Variants in ADAMTSL1 observed in about 807,000 individuals in gnomAD.
The protein encoded by ADAMTSL1 is ADAMTS like 1.
A neutral mutation model predicts 201.8 loss-of-function variants in ADAMTSL1; 126 were observed. That is an observed-to-expected ratio of 0.62 (90% CI 0.54 to 0.72). The LOEUF is 0.72. Ranked by LOEUF, ADAMTSL1 falls within the 30% of genes least tolerant of loss-of-function variation. ADAMTSL1 has a pLI of 0.00. For missense variants in ADAMTSL1, 2,679 were observed against 2,277.8 expected, an observed-to-expected ratio of 1.18 and a Z score of -3.59; for synonymous variants, 1,121 against 903.4, an observed-to-expected ratio of 1.24 and a Z score of -4.32.
chr9:18,181,008 C>A (rs1397679060), intron 2 of ADAMTSL1, among the ~76,000 whole-genome samples: 1 of 152,116 alleles, frequency 6.6e-6, no homozygotes, highest in South Asian at 2.1e-4. Context: ...TGATCTTTGA[C>A]AAACCTGACA....
chr9:17,935,743 T>C (rs1047774711), intron 1 of ADAMTSL1, among the ~76,000 whole-genome samples: 2 of 152,184 alleles, frequency 1.3e-5, no homozygotes, highest in Non-Finnish European at 2.9e-5. Flanking sequence ...AGATGGACCA[T>C]CTTGATTCAA....
At chr9:18,449,196 G>A (rs900420430) in intron 2 of ADAMTSL1, among the ~76,000 whole-genome samples, 14 of 151,738 alleles carry the variant, frequency 9.2e-5, no homozygotes, top group African/African-American at 3.1e-4. Context: ...AACTTTTTCT[G>A]AGTTGTATGT....
chr9:18,903,306 T>A (rs1033975320), intron 26 of ADAMTSL1, among the ~76,000 whole-genome samples: 1 of 152,150 alleles, frequency 6.6e-6, no homozygotes. Flanking sequence ...TCAATGAAAA[T>A]GAACTTCAGT....
intron 2 of ADAMTSL1, among the ~76,000 whole-genome samples, chr9:18,247,445 G>A (rs1411498757): frequency 3.3e-5 from 5 of 152,176 alleles, no homozygotes; most frequent in African/African-American, 4.8e-5. Context: ...TGTTCCAGGT[G>A]TAAAGTTCTC....
At chr9:17,938,320 A>ACATGAATTT (rs1334186420) in intron 1 of ADAMTSL1, among the ~76,000 whole-genome samples, 1 of 152,172 alleles carries the variant, frequency 6.6e-6, no homozygotes, top group Non-Finnish European at 1.5e-5. Flanking sequence ...GTATTGAGTA[A>ACATGAATTT]CATGAATTTC....
intron 23 of ADAMTSL1, among the ~76,000 whole-genome samples, chr9:18,842,134 T>C (rs1271038798): frequency 1.3e-5 from 2 of 152,008 alleles, no homozygotes; most frequent in Non-Finnish European, 2.9e-5. Context: ...GATGTTAGGG[T>C]GTCAATTTTG....
intron 21 of ADAMTSL1, among the ~76,000 whole-genome samples, chr9:18,822,819 C>T (rs140268432): frequency 3.5e-4 from 54 of 152,298 alleles, no homozygotes; most frequent in African/African-American, 1.1e-3. Context: ...ACTCAGGATA[C>T]GTTTGCATGT....
At chr9:18,299,974 T>A (rs1469338017) in intron 2 of ADAMTSL1, among the ~76,000 whole-genome samples, 1 of 152,142 alleles carries the variant, frequency 6.6e-6, no homozygotes, top group South Asian at 2.1e-4. Flanking sequence ...CTTTCAAAAC[T>A]CCAAGTGAAG....
chr9:18,812,329 T>A (rs1323251456), intron 20 of ADAMTSL1, among the ~76,000 whole-genome samples: 1 of 152,084 alleles, frequency 6.6e-6, no homozygotes, highest in East Asian at 1.9e-4. Context: ...ATGTAGGAAA[T>A]ATAACCAATA....
At chr9:18,450,727 G>C (rs1443451991) in intron 2 of ADAMTSL1, among the ~76,000 whole-genome samples, 1 of 152,092 alleles carries the variant, frequency 6.6e-6, no homozygotes, top group Non-Finnish European at 1.5e-5. Context: ...GTTGTCACTA[G>C]ACAACCTCTG....
Position 17,990,625 on chromosome 9 carries a change from G to A in ADAMTSL1, c.87+83703G>A, listed in dbSNP as rs146668928. ...TTATACTTAATTTCCTGGTTGTCAC[G>A]TTTAATTATTAAGACCTGTTTTTAA... On this transcript the variant is annotated intron_variant, in intron 1 of 29. Transcript: ENST00000680146. Among the ~76,000 whole-genome samples, 407 of 151,942 alleles carry A rather than the reference G, an allele frequency of 2.7e-3. 2 individuals carry two copies. Among genetic ancestry groups the A allele is most frequent in the African/African-American group, 8.6e-3 (355 of 41,460 alleles).
intron 15 of ADAMTSL1, among the ~76,000 whole-genome samples, chr9:18,725,964 C>A (rs909093716): frequency 6.6e-6 from 1 of 152,144 alleles, no homozygotes; most frequent in Admixed American, 6.5e-5. Flanking sequence ...AATAAAAGAA[C>A]CAGCACATTG....
At chr9:18,153,160 C>G (rs1826993006) in intron 1 of ADAMTSL1, among the ~76,000 whole-genome samples, 1 of 152,046 alleles carries the variant, frequency 6.6e-6, no homozygotes, top group Admixed American at 6.6e-5. Flanking sequence ...CAGCTATGAT[C>G]CACGTCATCC....
intron 23 of ADAMTSL1, among the ~76,000 whole-genome samples, chr9:18,858,667 G>A (rs1827018702): frequency 6.6e-6 from 1 of 152,192 alleles, no homozygotes; most frequent in Non-Finnish European, 1.5e-5. Context: ...TGCTTGGCCA[G>A]ATCCCTGATT....
chr9:18,012,537 G>C (rs759845623), intron 1 of ADAMTSL1, among the ~76,000 whole-genome samples: 1 of 152,034 alleles, frequency 6.6e-6, no homozygotes, highest in South Asian at 2.1e-4. Context: ...CCCAAGACTC[G>C]TACGTGAACA....
chr9:18,736,027 A>C (rs2039797399), intron 15 of ADAMTSL1, among the ~76,000 whole-genome samples: 1 of 152,164 alleles, frequency 6.6e-6, no homozygotes, highest in South Asian at 2.1e-4. Flanking sequence ...CAGAGTTTGC[A>C]CAGTTTTAAA....
intron 2 of ADAMTSL1, among the ~76,000 whole-genome samples, chr9:18,389,446 C>T (rs1452120228): frequency 1.3e-5 from 2 of 152,090 alleles, no homozygotes; most frequent in African/African-American, 4.8e-5. Context: ...AGAAGCTGGT[C>T]GCCCAGTTCT....
chr9:18,613,848 A>T (rs943361628), intron 4 of ADAMTSL1, among the ~76,000 whole-genome samples: 7 of 152,182 alleles, frequency 4.6e-5, no homozygotes, highest in African/African-American at 1.7e-4. Flanking sequence ...TACCTATGTA[A>T]CAAAGCTGCA....
At chr9:18,061,258 G>T (rs1305283298) in intron 1 of ADAMTSL1, among the ~76,000 whole-genome samples, 1 of 152,152 alleles carries the variant, frequency 6.6e-6, no homozygotes, top group African/African-American at 2.4e-5. Context: ...AACAACTACT[G>T]AGCAAAAGTG....
Sources: allele counts gnomAD v4.1 joint callset (sites outside exome capture counted in the v4.1 genomes callset), GRCh38; gene constraint gnomAD v4.1.1; transcripts MANE v1.5; gene names NCBI Gene and HGNC (gene_info 2026-07-23, HGNC 2026-07-21).